PCDH9: variants seen among roughly 807,000 people sequenced by gnomAD.
PCDH9 encodes the protein protocadherin-9.
PCDH9 carries 24 observed loss-of-function variants against 70.6 expected under a neutral mutation model. That is an observed-to-expected ratio of 0.34 (90% CI 0.25 to 0.48). The LOEUF (loss-of-function observed/expected upper bound fraction) is 0.48, where lower values mean the gene tolerates loss of function less well. Ranked by LOEUF, PCDH9 falls within the 20% of genes least tolerant of loss-of-function variation. The probability of loss-of-function intolerance (pLI) is 0.99; values close to 1 mark genes in which losing one functional copy is unlikely to be tolerated. For synonymous variants in PCDH9, 562 were observed against 558.5 expected (o/e 1.01, Z -0.09); for missense variants, 1,281 against 1,503.6 (o/e 0.85, Z 2.45).
chr13:67,082,565 C>G (rs193106323), intron 2 of PCDH9, among the ~76,000 whole-genome samples: 1 of 152,244 alleles, frequency 6.6e-6, no homozygotes, highest in African/African-American at 2.4e-5. Context: ...TGTTTGACCT[C>G]TGATAAGACA....
In PCDH9 at chr13:67,171,396, T is replaced by A. The variant is rs893290172; in HGVS notation, c.3036+54009A>T. Among the ~76,000 whole-genome samples the A allele has an allele frequency of 3.9e-5, 6 of 152,312 alleles. No homozygotes were observed. In the East Asian group the frequency reaches 1.2e-3, roughly 29 times the overall value. ...CAGATGCTTTTGGAGGACTAGACTG[T>A]CACCAATCATTAACCCTCACTCTCT... On this transcript the variant is annotated intron_variant, in intron 2 of 4. Transcript: ENST00000377865.
chr13:67,069,936 A>C (rs1029660848), intron 2 of PCDH9, among the ~76,000 whole-genome samples: 5 of 151,594 alleles, frequency 3.3e-5, no homozygotes, highest in African/African-American at 1.2e-4. Flanking sequence ...GAAAAGACTA[A>C]GAACTTTTTT....
chr13:67,131,874 A>G (rs2087119593), intron 2 of PCDH9, among the ~76,000 whole-genome samples: 1 of 152,180 alleles, frequency 6.6e-6, no homozygotes, highest in Admixed American at 6.6e-5. Context: ...GTTCTAACAG[A>G]TGTTGTAATG....
intron 3 of PCDH9, among the ~76,000 whole-genome samples, chr13:66,858,526 T>A (rs1020574991): frequency 9.9e-5 from 15 of 152,190 alleles, no homozygotes; most frequent in African/African-American, 3.1e-4. Context: ...CATTGGCACA[T>A]AATTTCCCTC....
intron 3 of PCDH9, among the ~76,000 whole-genome samples, chr13:66,789,033 AC>A (rs2080123613): frequency 6.6e-6 from 1 of 152,238 alleles, no homozygotes; most frequent in Admixed American, 6.6e-5. Flanking sequence ...CTGGCCTTCA[AC>A]CAGAAATCTC....
At chr13:66,334,173 A>G (rs540371033) in intron 4 of PCDH9, among the ~76,000 whole-genome samples, 5 of 151,780 alleles carry the variant, frequency 3.3e-5, no homozygotes, top group African/African-American at 1.2e-4. Context: ...CCATTAACCA[A>G]CCTCTCTTCA....
intron 2 of PCDH9, among the ~76,000 whole-genome samples, chr13:67,112,875 C>T (rs1228828060): frequency 6.6e-6 from 1 of 152,112 alleles, no homozygotes; most frequent in Non-Finnish European, 1.5e-5. Context: ...TGTGTCACCA[C>T]ACCTGGCTAA....
intron 4 of PCDH9, among the ~76,000 whole-genome samples, chr13:66,324,264 C>T (rs941390617): frequency 5.9e-5 from 9 of 151,962 alleles, no homozygotes; most frequent in Non-Finnish European, 1.0e-4. Flanking sequence ...ACTCCACTAT[C>T]CTGCCATCTG....
intron 2 of PCDH9, among the ~76,000 whole-genome samples, chr13:66,957,873 T>C (rs2083287927): frequency 1.3e-5 from 2 of 152,206 alleles, no homozygotes; most frequent in Non-Finnish European, 2.9e-5. Context: ...TTTGTTTTGG[T>C]ATCTTGAGGT....
At chr13:67,081,464 A>G (rs2085981678) in intron 2 of PCDH9, among the ~76,000 whole-genome samples, 1 of 152,126 alleles carries the variant, frequency 6.6e-6, no homozygotes, top group African/African-American at 2.4e-5. Context: ...GCTACTCGGG[A>G]GGCTGAGGCA....
At chr13:67,000,067 G>C (rs2084207403) in intron 2 of PCDH9, among the ~76,000 whole-genome samples, 2 of 152,088 alleles carry the variant, frequency 1.3e-5, no homozygotes, top group African/African-American at 2.4e-5. Context: ...CAATAGCAAA[G>C]ATTTGGAACC....
At chr13:66,625,213 A>T (rs2077482912) in intron 4 of PCDH9, among the ~76,000 whole-genome samples, 1 of 152,194 alleles carries the variant, frequency 6.6e-6, no homozygotes, top group Admixed American at 6.5e-5. Flanking sequence ...TTTAAAAGCC[A>T]GCCCACACTC....
intron 3 of PCDH9, among the ~76,000 whole-genome samples, chr13:66,641,699 A>C (rs1022274841): frequency 6.6e-6 from 1 of 152,192 alleles, no homozygotes; most frequent in Non-Finnish European, 1.5e-5. Context: ...TTATTAATGC[A>C]TGATATGAAG....
At chr13:67,200,421 G>T (rs2089180899) in intron 2 of PCDH9, among the ~76,000 whole-genome samples, 1 of 152,052 alleles carries the variant, frequency 6.6e-6, no homozygotes, top group African/African-American at 2.4e-5. Flanking sequence ...GGTGACTCAT[G>T]ATGGTATAGG....
intron 3 of PCDH9, among the ~76,000 whole-genome samples, chr13:66,722,541 G>A (rs546952681): frequency 6.5e-4 from 99 of 152,272 alleles, no homozygotes; most frequent in Non-Finnish European, 9.3e-4. Flanking sequence ...GGTAGGCCAA[G>A]TAGAGTTACT....
At chr13:66,424,112 C>A (rs1404622934) in intron 4 of PCDH9, among the ~76,000 whole-genome samples, 1 of 152,088 alleles carries the variant, frequency 6.6e-6, no homozygotes, top group African/African-American at 2.4e-5. Flanking sequence ...AGGAATACAA[C>A]TTACAAGGGA....
intron 3 of PCDH9, among the ~76,000 whole-genome samples, chr13:66,875,304 G>A (rs550610519): frequency 2.6e-5 from 4 of 152,278 alleles, no homozygotes; most frequent in African/African-American, 9.6e-5. Flanking sequence ...AACTCTGTGT[G>A]TGTGAAAAAT....
intron 4 of PCDH9, among the ~76,000 whole-genome samples, chr13:66,412,525 G>A (rs1957388286): frequency 6.6e-6 from 1 of 152,078 alleles, no homozygotes; most frequent in Non-Finnish European, 1.5e-5. Flanking sequence ...ACTTATCATA[G>A]TATATTTGCA....
At chr13:66,350,482 G>A (rs182155368) in intron 4 of PCDH9, among the ~76,000 whole-genome samples, 5 of 152,172 alleles carry the variant, frequency 3.3e-5, no homozygotes, top group East Asian at 3.9e-4. Flanking sequence ...AGGCTCAGCC[G>A]TTAGTCTTCA....
Sources: gnomAD v4.1 joint callset for allele counts (sites outside exome capture counted in the v4.1 genomes callset) on GRCh38, gnomAD v4.1.1 for gene constraint, MANE v1.5 for transcripts, NCBI Gene and HGNC (gene_info 2026-07-23, HGNC 2026-07-21) for gene names.